NR2F1-AS1: variants seen among roughly 807,000 people sequenced by gnomAD.
The protein encoded by NR2F1-AS1 is NR2F1 antisense RNA 1.
intron 4 of NR2F1-AS1, among the ~76,000 whole-genome samples, chr5:93,547,592 A>G (rs1372143091): frequency 2.0e-5 from 3 of 152,228 alleles, no homozygotes; most frequent in Admixed American, 2.0e-4. Context: ...TTTAGTGCTT[A>G]TGTAATAAAA....
intron 1 of NR2F1-AS1, among the ~76,000 whole-genome samples, chr5:93,569,228 G>T (rs1165667464): frequency 2.0e-5 from 3 of 152,124 alleles, no homozygotes; most frequent in Non-Finnish European, 4.4e-5. Flanking sequence ...CAGGAAGACA[G>T]AAGAGAAGGG....
intron 4 of NR2F1-AS1, among the ~76,000 whole-genome samples, chr5:93,476,892 T>A (rs1750497213): frequency 6.6e-6 from 1 of 152,180 alleles, no homozygotes; most frequent in Non-Finnish European, 1.5e-5. Flanking sequence ...AGACAAGTGT[T>A]CTCAATTAGT....
chr5:93,413,975 T>G (rs1426432164), intron 4 of NR2F1-AS1, among the ~76,000 whole-genome samples: 1 of 152,098 alleles, frequency 6.6e-6, no homozygotes, highest in East Asian at 1.9e-4. Flanking sequence ...TCCTGGGGGG[T>G]TTGTAAGCCT....
chr5:93,502,883 T>C (rs1025717857), intron 4 of NR2F1-AS1, among the ~76,000 whole-genome samples: 5 of 152,126 alleles, frequency 3.3e-5, no homozygotes, highest in Non-Finnish European at 7.4e-5. Context: ...GGCTGGACAG[T>C]GTCAATAGTA....
chr5:93,560,174 A>C (rs764349171), intron 2 of NR2F1-AS1, among the ~76,000 whole-genome samples: 1 of 152,230 alleles, frequency 6.6e-6, no homozygotes, highest in Non-Finnish European at 1.5e-5. Flanking sequence ...TGTGCTTAAC[A>C]GATATTAATA....
intron 1 of NR2F1-AS1, among the ~76,000 whole-genome samples, chr5:93,577,948 A>G (rs776762040): frequency 6.6e-6 from 1 of 152,214 alleles, no homozygotes. Flanking sequence ...GTAGGGTCCC[A>G]TGGCTCTTGA....
At chr5:93,450,606 T>A (rs550214032) in intron 4 of NR2F1-AS1, among the ~76,000 whole-genome samples, 1 of 152,274 alleles carries the variant, frequency 6.6e-6, no homozygotes, top group Non-Finnish European at 1.5e-5. Flanking sequence ...CAAAATTATG[T>A]TCTGTGGAAC....
At chr5:93,413,039 A>C (rs1439685420) in intron 4 of NR2F1-AS1, among the ~76,000 whole-genome samples, 1 of 149,188 alleles carries the variant, frequency 6.7e-6, no homozygotes, top group Non-Finnish European at 1.5e-5. Flanking sequence ...TTCCTCACCC[A>C]GCCTAGACAA....
At chr5:93,550,163 G>A (rs1752192259) in intron 4 of NR2F1-AS1, among the ~76,000 whole-genome samples, 1 of 151,624 alleles carries the variant, frequency 6.6e-6, no homozygotes, top group Non-Finnish European at 1.5e-5. Flanking sequence ...TTGGATAAAT[G>A]GGATTAAAGA....
chr5:93,557,887 A>G (rs1031672830), intron 2 of NR2F1-AS1, among the ~76,000 whole-genome samples: 1 of 152,190 alleles, frequency 6.6e-6, no homozygotes, highest in Non-Finnish European at 1.5e-5. Flanking sequence ...AAGTTTATAT[A>G]ATGTTCTAAA....
upstream of NR2F1-AS1, among the ~76,000 whole-genome samples, chr5:93,582,149 G>T (rs1580355488): frequency 9.0e-6 from 1 of 110,792 alleles, no homozygotes; most frequent in Non-Finnish European, 1.7e-5. Context: ...TCGTTTGTTT[G>T]CTCTTTTCCC....
intron 4 of NR2F1-AS1, among the ~76,000 whole-genome samples, chr5:93,513,977 T>C (rs1751351760): frequency 6.6e-6 from 1 of 152,144 alleles, no homozygotes. Context: ...AAAAGCATTT[T>C]ATGTTTCATT....
chr5:93,466,534 C>T (rs1750237812), intron 4 of NR2F1-AS1, among the ~76,000 whole-genome samples: 2 of 151,872 alleles, frequency 1.3e-5, no homozygotes, highest in South Asian at 2.1e-4. Flanking sequence ...GACAGGGTTT[C>T]ACCATGTTGG....
chr5:93,510,079 A>G (rs977798868), intron 4 of NR2F1-AS1, among the ~76,000 whole-genome samples: 6 of 152,144 alleles, frequency 3.9e-5, no homozygotes, highest in African/African-American at 1.4e-4. Flanking sequence ...TGTAAATAGA[A>G]TGGAGACAAA....
At chr5:93,495,801 T>G (rs1404725740) in intron 4 of NR2F1-AS1, among the ~76,000 whole-genome samples, 3 of 152,034 alleles carry the variant, frequency 2.0e-5, no homozygotes, top group Admixed American at 6.6e-5. Context: ...TTATTTCCTC[T>G]TAAAATTAGA....
At chr5:93,554,258 T>C (rs576762685) in intron 3 of NR2F1-AS1, among the ~76,000 whole-genome samples, 15 of 152,314 alleles carry the variant, frequency 9.8e-5, no homozygotes, top group African/African-American at 3.6e-4. Flanking sequence ...TTACAGAATA[T>C]TGTTGTTAAT....
rs539588810 is a variant in NR2F1-AS1 at position 93,514,510 on chromosome 5, T to A, written n.638+39251A>T. Reference sequence around the variant, plus strand: ...AGCTGCTGTCAGAAAGTCTGGCCAGTTTCCCCTGCAAATCTAGGAGAAAGA... The same window carrying A: ...AGCTGCTGTCAGAAAGTCTGGCCAGATTCCCCTGCAAATCTAGGAGAAAGA... On this transcript the variant is annotated intron_variant and non_coding_transcript_variant, in intron 4 of 5. Transcript: ENST00000660523. Among the ~76,000 whole-genome samples, 5 of 152,194 alleles carry A rather than the reference T, an allele frequency of 3.3e-5. No individual in the cohort carries two copies. In the South Asian group the frequency reaches 1.0e-3, roughly 32 times the overall value.
chr5:93,426,838 G>C (rs1268789341), intron 4 of NR2F1-AS1, among the ~76,000 whole-genome samples: 1 of 152,192 alleles, frequency 6.6e-6, no homozygotes, highest in African/African-American at 2.4e-5. Context: ...CTTGTGGCTA[G>C]TGATGAAAGT....
chr5:93,563,027 C>T (rs185280973), intron 2 of NR2F1-AS1, among the ~76,000 whole-genome samples: 3 of 152,276 alleles, frequency 2.0e-5, no homozygotes, highest in Non-Finnish European at 4.4e-5. Context: ...GTCACAGCTA[C>T]AAATTATGTA....
Sources: allele counts gnomAD v4.1 joint callset (sites outside exome capture counted in the v4.1 genomes callset), GRCh38; gene constraint gnomAD v4.1.1; transcripts MANE v1.5; gene names NCBI Gene and HGNC (gene_info 2026-07-23, HGNC 2026-07-21).